The following LMO7 variants were observed in gnomAD, a reference collection of about 807,000 sequenced individuals.
LMO7 encodes LIM domain 7.
LMO7 carries 120 observed loss-of-function variants against 206.5 expected under a neutral mutation model. That is an observed-to-expected ratio of 0.58 (90% CI 0.50 to 0.68). LMO7 has a LOEUF of 0.68. LMO7 is among the 30% of genes least tolerant of loss of function. The pLI, the probability that LMO7 is intolerant of heterozygous loss-of-function variation, is 0.00. For synonymous variants in LMO7, 706 were observed against 681.5 expected, an observed-to-expected ratio of 1.04 and a Z score of -0.56; for missense variants, 1,959 against 1,957.9, an observed-to-expected ratio of 1.00 and a Z score of -0.01.
intron 1 of LMO7, among the ~76,000 whole-genome samples, chr13:75,675,316 C>T (rs1431942970): frequency 6.6e-6 from 1 of 152,052 alleles, no homozygotes; most frequent in Non-Finnish European, 1.5e-5. Flanking sequence ...TCAAATGATC[C>T]ACCCACCTCG....
chr13:75,684,785 ATGTGTATATAT>A (rs2040838262), intron 1 of LMO7, among the ~76,000 whole-genome samples: 1 of 151,460 alleles, frequency 6.6e-6, no homozygotes, highest in Admixed American at 6.6e-5. Context: ...GTATATACGT[ATGTGTATATAT>A]GTGTGTGTGT....
intron 1 of LMO7, among the ~76,000 whole-genome samples, chr13:75,694,185 T>C (rs1260840121): frequency 6.6e-6 from 1 of 152,196 alleles, no homozygotes; most frequent in East Asian, 1.9e-4. Context: ...ATGGTGTAAC[T>C]ACTGACTTAG....
rs1367897101 is a variant in LMO7, at chr13:75,707,382, A to G, written c.70-5800A>G. Among the ~76,000 whole-genome samples, 9 of 152,234 alleles carry G rather than the reference A, an allele frequency of 5.9e-5. No homozygotes were observed. The East Asian group carries it at 1.2e-3, about 20-fold the overall frequency. ...TTTTAAATAATATTCTTTACAAGTA[A>G]TAAATCCACTTTTATGACATGAATT... On this transcript the variant is annotated intron_variant, in intron 1 of 30. Coordinates refer to ENST00000377534, the MANE Select transcript of LMO7 (RefSeq NM_001306080.2).
At chr13:75,855,488 G>A in intron 29 of LMO7, 120 bp downstream of exon 29, 1 of 539,576 alleles carries the variant, frequency 1.9e-6, no homozygotes, top group East Asian at 3.0e-5. Flanking sequence ...TCGTCCATCT[G>A]TGCTGCATTT....
At chr13:75,838,396 G>GAT in intron 20 of LMO7, 200 bp downstream of exon 20, 1 of 1,404,830 alleles carries the variant, frequency 7.1e-7, no homozygotes, top group Non-Finnish European at 9.4e-7. Context: ...GTGGTAATGG[G>GAT]TCTTTGTGTG....
chr13:75,834,376 A>G lies in LMO7; in HGVS notation c.3215A>G (p.Tyr1072Cys), dbSNP rs533168163. 3.1e-6 allele frequency: 5 copies of G among 1,596,502 alleles called. No individual in the cohort carries two copies. Among genetic ancestry groups the G allele is most frequent in the Non-Finnish European group, 4.3e-6 (5 of 1,172,044 alleles). ...CACCTAGTGATGGATGTGAGGCGCT[A>G]TGGAAAGGCTGGTGAGTTTGTGTTA... The part of the protein sequence containing the change: ...TGHLVMDVRR[Y>C]GKAGSPETKW... Residue 1072 changes from tyrosine (Y) to cysteine (C), a missense_variant, in exon 17 of 31, where the codon TAT (tyrosine) becomes TGT (cysteine). Tyr to Cys is a radical substitution (Grantham distance 194). Coordinates refer to ENST00000377534, the MANE Select transcript of LMO7 (RefSeq NM_001306080.2).
chr13:75,642,606 A>T (rs138039418), intron 1 of LMO7, among the ~76,000 whole-genome samples: 9 of 152,212 alleles, frequency 5.9e-5, no homozygotes. Flanking sequence ...CTATCTTTAA[A>T]AAGTAAATAA....
intron 2 of LMO7, among the ~76,000 whole-genome samples, chr13:75,720,284 T>C (rs951003899): frequency 1.2e-4 from 19 of 152,328 alleles, no homozygotes; most frequent in Middle Eastern, 3.4e-3. Flanking sequence ...CTGTGGCTTG[T>C]CTTTTTATTC....
chr13:75,666,736 A>T (rs987751766), intron 1 of LMO7, among the ~76,000 whole-genome samples: 4 of 152,242 alleles, frequency 2.6e-5, no homozygotes, highest in Non-Finnish European at 5.9e-5. Flanking sequence ...TCTTGTAAAA[A>T]GTTTGGATTT....
At chr13:75,704,787 C>T (rs2042533865) in intron 1 of LMO7, among the ~76,000 whole-genome samples, 1 of 152,144 alleles carries the variant, frequency 6.6e-6, no homozygotes, top group Admixed American at 6.5e-5. Context: ...TTCAGAGAAA[C>T]TTGTTGTTTA....
At chr13:75,696,634 G>A (rs1325316279) in intron 1 of LMO7, among the ~76,000 whole-genome samples, 3 of 152,084 alleles carry the variant, frequency 2.0e-5, no homozygotes, top group African/African-American at 7.2e-5. Flanking sequence ...CAGGCCATTT[G>A]AATCAGGATT....
chr13:75,809,237 T>A lies in LMO7; in HGVS notation c.1946+54T>A, dbSNP rs1405345240. ...CTGTGCGTGTTGTTTGTTCTTTGTA[T>A]AACTTACTGTATTTCTGGCATGGCA... On this transcript the variant is annotated intron_variant, in intron 11 of 30. Coordinates refer to ENST00000377534, the MANE Select transcript of LMO7 (RefSeq NM_001306080.2). The A allele has an allele frequency of 9.6e-6, 14 of 1,465,906 alleles. 1 individual carries two copies. The South Asian group carries it at 1.6e-4, about 17-fold the overall frequency. The allele number at this position is 1,465,906 out of a possible 1,614,324, so 90.8% of individuals were successfully genotyped here.
chr13:75,728,092 A>C lies in LMO7; in HGVS notation c.210+994A>C, dbSNP rs934016892. 5.3e-5 allele frequency among the ~76,000 whole-genome samples: 8 copies of C among 152,166 alleles called. 1 individual carries two copies. In the South Asian group the frequency reaches 6.2e-4, roughly 12 times the overall value. On this transcript the variant is annotated intron_variant, in intron 3 of 30. Coordinates refer to ENST00000377534, the MANE Select transcript of LMO7 (RefSeq NM_001306080.2). ...ATAGTGCCGCAATAAACACATGTGC[A>C]TGTGTCTTTATAGCAGCATGATTTA...
In LMO7 at chr13:75,842,702, A is replaced by G. The variant is rs1182841171; in HGVS notation, c.4032-149A>G. ...GTGGGTCTATTTTCTGTGGTTATTC[A>G]TTGAAATACCTTTGTATGTTTAGTT... On this transcript the variant is annotated intron_variant, in intron 24 of 30. Coordinates refer to ENST00000377534, the MANE Select transcript of LMO7 (RefSeq NM_001306080.2). 8 of 581,770 alleles carry G rather than the reference A, an allele frequency of 1.4e-5. No homozygotes were observed. In the South Asian group the frequency reaches 1.4e-4, roughly 10 times the overall value. 36.0% of individuals were successfully genotyped at this position (581,770 alleles called of 1,614,324 possible).
chr13:75,645,139 C>T (rs1237820983), intron 1 of LMO7, among the ~76,000 whole-genome samples: 1 of 152,120 alleles, frequency 6.6e-6, no homozygotes, highest in African/African-American at 2.4e-5. Context: ...CTCATGTGAC[C>T]TACATTTCTG....
intron 2 of LMO7, among the ~76,000 whole-genome samples, chr13:75,625,373 G>A (rs1175443874): frequency 6.6e-6 from 1 of 151,936 alleles, no homozygotes; most frequent in African/African-American, 2.4e-5. Flanking sequence ...AATAATAGAG[G>A]CTGATAGCCC....
chr13:75,807,991 A>C lies in LMO7; in HGVS notation c.1708A>C (p.Lys570Gln). The C allele has an allele frequency of 1.2e-6, 2 of 1,613,954 alleles. No individual in the cohort carries two copies. The highest frequency in any genetic ancestry group is 1.7e-6 in the Non-Finnish European group (2 of 1,179,884). ...TGAAAGGACATGCCCATCCAAAGAA[A>C]AAAGTAATAGCTGTAGAATATTAGT... is the stretch of plus-strand genomic sequence containing the variant. ...VLERTCPSKEKSNSCRILVPS... is the reference protein window; with the variant it reads ...VLERTCPSKEQSNSCRILVPS... Residue 570 changes from lysine to glutamine, a missense_variant, in exon 10 of 31, where the codon AAA (lysine) becomes CAA (glutamine). By Grantham distance (53) the Lys-to-Gln change is moderately conservative. Transcript: ENST00000377534.
At position 75,841,097 on chromosome 13, in the gene LMO7, A is replaced by AT. The variant is rs769244440; in HGVS notation, c.3583-8dup. The AT allele has an allele frequency of 8.1e-5, 126 of 1,564,034 alleles. No individual in the cohort carries two copies. The highest frequency in any genetic ancestry group is 1.1e-4 in the Non-Finnish European group (120 of 1,136,764). On this transcript the variant is annotated splice_polypyrimidine_tract_variant and intron_variant, in intron 22 of 30. Transcript: ENST00000377534. ...AATCTATTGGATTAATATATGTCATATTTTCTTATAGGAAAAATATCAACG... is the reference window on the plus strand; with the variant it reads ...AATCTATTGGATTAATATATGTCATATTTTTCTTATAGGAAAAATATCAACG...
chr13:75,814,791 G>A lies in LMO7; in HGVS notation c.1947-2370G>A, dbSNP rs575221021. The stretch of plus-strand genomic sequence containing the variant: ...GGTGGTCAGAGAAGGAAACACAGAG[G>A]GCACATTTAAGCAGATGCCTGGAAG... On this transcript the variant is annotated intron_variant, in intron 11 of 30. Coordinates refer to ENST00000377534, the MANE Select transcript of LMO7 (RefSeq NM_001306080.2). Among the ~76,000 whole-genome samples, 3 of 152,244 alleles carry A rather than the reference G, an allele frequency of 2.0e-5. No individual in the cohort carries two copies. In the East Asian group the frequency reaches 5.8e-4, roughly 29 times the overall value.
Sources: allele counts gnomAD v4.1 joint callset (sites outside exome capture counted in the v4.1 genomes callset), GRCh38; gene constraint gnomAD v4.1.1; transcripts MANE v1.5; gene names NCBI Gene and HGNC (gene_info 2026-07-23, HGNC 2026-07-21).